Variants in TEX2 observed in about 807,000 individuals in gnomAD.
The protein encoded by TEX2 is testis-expressed protein 2.
In TEX2, 53 loss-of-function variants were observed where a neutral mutation model predicts 106.9. The observed-to-expected ratio is 0.50, with a 90% confidence interval of 0.40 to 0.62. The LOEUF (loss-of-function observed/expected upper bound fraction) is 0.62, where lower values mean the gene tolerates loss of function less well. TEX2 is among the 20% of genes least tolerant of loss of function. TEX2 has a pLI of 0.00. For synonymous variants in TEX2, 523 were observed against 534.8 expected (o/e 0.98, Z 0.30); for missense variants, 1,207 against 1,379.0 (o/e 0.88, Z 1.98).
In TEX2 at chr17:64,212,986, A is replaced by T; in HGVS notation, c.1232T>A (p.Val411Glu). 6.2e-7 allele frequency: 1 copy of T among 1,614,224 alleles called. No individual in the cohort carries two copies. The highest frequency in any genetic ancestry group is 8.5e-7 in the Non-Finnish European group (1 of 1,180,042). The change falls in exon 2 of 12, where the codon GTG (valine) becomes GAG (glutamate). Residue 411 changes from valine to glutamate, a missense_variant. Val to Glu is a moderately radical substitution (Grantham distance 121). Coordinates refer to ENST00000584379, the MANE Select transcript of TEX2 (RefSeq NM_001288732.2). ...VLEKCSLSALVSKEDEEFCEL... is the reference protein window; with the variant it reads ...VLEKCSLSALESKEDEEFCEL... ...ACAAAACTCTTCATCTTCTTTGCTC[A>T]CTAAGGCAGACAAAGAACATTTCTC... is the stretch of plus-strand genomic sequence containing the variant.
intron 1 of TEX2, among the ~76,000 whole-genome samples, chr17:64,255,090 T>C (rs1471278020): frequency 6.8e-6 from 1 of 146,416 alleles, no homozygotes; most frequent in Admixed American, 7.1e-5. Context: ...GGTCTCAAAC[T>C]CTTGGCCTCA....
At chr17:64,156,327 C>A (rs1425506824) in intron 8 of TEX2, 1 of 152,280 alleles carries the variant, frequency 6.6e-6, no homozygotes, top group African/African-American at 2.4e-5. Flanking sequence ...CTCCTCCCTA[C>A]CCCCACTCTG....
At chr17:64,186,239 G>A (rs972229896) in intron 5 of TEX2, among the ~76,000 whole-genome samples, 2 of 152,058 alleles carry the variant, frequency 1.3e-5, no homozygotes, top group Non-Finnish European at 2.9e-5. Flanking sequence ...TGACAGCCTC[G>A]CATTTGGAGG....
chr17:64,182,959 G>T (rs2031938744), intron 5 of TEX2, among the ~76,000 whole-genome samples: 1 of 151,566 alleles, frequency 6.6e-6, no homozygotes, highest in Non-Finnish European at 1.5e-5. Context: ...AGGCTGGAGT[G>T]CAGTGGTGTG....
Position 64,261,298 on chromosome 17 carries a change from T to G in TEX2, c.-26+1870A>C, listed in dbSNP as rs547161004. ...GCAAAATTATTATTATTTTAATAAA[T>G]AATTTCTTTTTTAACTCCAGGCAAC... is the stretch of plus-strand genomic sequence containing the variant. On this transcript the variant is annotated intron_variant, in intron 1 of 11. Transcript: ENST00000584379. Among the ~76,000 whole-genome samples, 12 of 152,348 alleles carry G rather than the reference T, an allele frequency of 7.9e-5. No homozygotes were observed. In the East Asian group the frequency reaches 2.1e-3, roughly 27 times the overall value.
intron 1 of TEX2, among the ~76,000 whole-genome samples, chr17:64,221,158 A>G (rs1420579295): frequency 6.6e-6 from 1 of 152,166 alleles, no homozygotes; most frequent in Non-Finnish European, 1.5e-5. Context: ...CAATGAGAAC[A>G]CTTGGACACA....
intron 8 of TEX2, among the ~76,000 whole-genome samples, chr17:64,158,051 C>T (rs1181107230): frequency 2.6e-5 from 4 of 152,220 alleles, no homozygotes; most frequent in Non-Finnish European, 4.4e-5. Context: ...ATCTCAATCC[C>T]ATCTGAATGT....
chr17:64,155,145 T>C (rs1411342441), intron 8 of TEX2, 178 bp from the exon 9 acceptor site: 5 of 712,880 alleles, frequency 7.0e-6, no homozygotes, highest in South Asian at 3.1e-5. Flanking sequence ...CCAAGAATCC[T>C]TGGATCAGCG....
intron 1 of TEX2, among the ~76,000 whole-genome samples, chr17:64,259,482 C>A (rs2034249788): frequency 6.6e-6 from 1 of 152,188 alleles, no homozygotes; most frequent in Admixed American, 6.5e-5. Context: ...TTAAAGTTGA[C>A]AAAGACCTTA....
At position 64,160,838 on chromosome 17, in the gene TEX2, C is replaced by T; in HGVS notation, c.2767G>A (p.Val923Ile). The change falls in exon 8 of 12, where the codon GTT becomes ATT. Residue 923 changes from valine (V) to isoleucine (I), a missense_variant. By Grantham distance (29) the Val-to-Ile change is conservative. This residue lies in a region of TEX2 where 1,067 missense variants were observed against 1,193.6 expected (regional missense o/e 0.89). Transcript: ENST00000584379. ...ATTTCTCCAACCTTCAGGGCTTCAA[C>T]AAGAGGCTCTTTACCTAGTTTGGTC... ...NLTKLGKEPL[V>I]EALKVGEIGK... The T allele has an allele frequency of 1.2e-6, 2 of 1,614,136 alleles. No individual in the cohort carries two copies. Among genetic ancestry groups the T allele is most frequent in the South Asian group, 1.1e-5 (1 of 91,084 alleles).
rs574986728 is a variant in TEX2 at position 64,243,997 on chromosome 17, C to T, written c.-26+19171G>A. The stretch of plus-strand genomic sequence containing the variant: ...CTAACTTTTGTATTTTCAGTAGAGA[C>T]GGGGTTTCACTATGTTGGCCAGGTT... On this transcript the variant is annotated intron_variant, in intron 1 of 11. Transcript: ENST00000584379. Among the ~76,000 whole-genome samples the T allele has an allele frequency of 6.6e-5, 10 of 151,998 alleles. No homozygotes were observed. In the South Asian group the frequency reaches 1.7e-3, roughly 25 times the overall value.
At chr17:64,237,473 T>C (rs1448369282) in intron 1 of TEX2, among the ~76,000 whole-genome samples, 1 of 151,914 alleles carries the variant, frequency 6.6e-6, no homozygotes, top group Admixed American at 6.6e-5. Flanking sequence ...TTTCTGGCTG[T>C]AGTGTGGAAA....
intron 7 of TEX2, among the ~76,000 whole-genome samples, chr17:64,170,663 G>A (rs555752699): frequency 3.5e-5 from 4 of 115,702 alleles, no homozygotes; most frequent in African/African-American, 1.0e-4. Context: ...ACAGAGTCTC[G>A]CTCTTGTCAT....
At chr17:64,151,864 T>C (rs1294496606) in intron 10 of TEX2, among the ~76,000 whole-genome samples, 1 of 152,260 alleles carries the variant, frequency 6.6e-6, no homozygotes, top group Non-Finnish European at 1.5e-5. Context: ...CCATACAATA[T>C]ATTAACAGTG....
chr17:64,250,241 G>A (rs1215860935), intron 1 of TEX2, among the ~76,000 whole-genome samples: 1 of 152,196 alleles, frequency 6.6e-6, no homozygotes, highest in African/African-American at 2.4e-5. Context: ...ATACCAAGAT[G>A]GCTCCTGCTC....
At chr17:64,238,136 C>G (rs2033811120) in intron 1 of TEX2, among the ~76,000 whole-genome samples, 1 of 152,042 alleles carries the variant, frequency 6.6e-6, no homozygotes, top group Non-Finnish European at 1.5e-5. Flanking sequence ...CCCGTCTCTA[C>G]TAAAAACACA....
chr17:64,253,243 A>G (rs1261093692), intron 1 of TEX2, among the ~76,000 whole-genome samples: 1 of 152,082 alleles, frequency 6.6e-6, no homozygotes, highest in Non-Finnish European at 1.5e-5. Flanking sequence ...GGTTCAAACA[A>G]TCCTCCCACC....
At chr17:64,239,873 C>G (rs1345712151) in intron 1 of TEX2, among the ~76,000 whole-genome samples, 1 of 44,696 alleles carries the variant, frequency 2.2e-5, no homozygotes, top group Admixed American at 4.1e-4. Context: ...GAGACTCTGT[C>G]TCAAAAAAAA....
At chr17:64,196,051 CTG>C (rs2032456888) in intron 2 of TEX2, among the ~76,000 whole-genome samples, 1 of 152,196 alleles carries the variant, frequency 6.6e-6, no homozygotes, top group Admixed American at 6.5e-5. Flanking sequence ...GGAGTTGGGA[CTG>C]TCATTCTTTT....
Sources: allele counts gnomAD v4.1 joint callset (sites outside exome capture counted in the v4.1 genomes callset), GRCh38; gene constraint gnomAD v4.1.1; regional missense constraint gnomAD v4.1.1; transcripts MANE v1.5; gene names NCBI Gene and HGNC (gene_info 2026-07-23, HGNC 2026-07-21).